Variants in RP1 observed in about 807,000 individuals in gnomAD.
RP1 encodes RP1 axonemal microtubule associated.
Under a neutral mutation model 14.8 loss-of-function variants are expected in RP1, and 16 were observed. That is an observed-to-expected ratio of 1.08 (90% CI 0.73 to 1.65). The LOEUF (loss-of-function observed/expected upper bound fraction) is 1.65. Ranked by LOEUF, RP1 falls within the 40% of genes most tolerant of loss-of-function variation. The probability of loss-of-function intolerance (pLI) is 0.00; values close to 1 mark genes in which losing one functional copy is unlikely to be tolerated. For missense variants in RP1, 2,631 were observed against 2,535.0 expected (o/e 1.04, Z -0.81); for synonymous variants, 876 against 883.6 (o/e 0.99, Z 0.15).
chr8:54,847,081 C>G (rs190390315), intron 25 of RP1, among the ~76,000 whole-genome samples: 2 of 152,144 alleles, frequency 1.3e-5, no homozygotes, highest in Non-Finnish European at 2.9e-5. Flanking sequence ...AAGATCCAAC[C>G]CTCAGCATCT....
chr8:54,748,229 G>A (rs1376778511), intron 19 of RP1, among the ~76,000 whole-genome samples: 4 of 152,110 alleles, frequency 2.6e-5, no homozygotes, highest in African/African-American at 9.7e-5. Flanking sequence ...TTCATTTCCA[G>A]TTACTTCTTC....
At chr8:54,754,324 G>A (rs1388636184) in intron 19 of RP1, among the ~76,000 whole-genome samples, 1 of 142,232 alleles carries the variant, frequency 7.0e-6, no homozygotes, top group East Asian at 2.1e-4. Flanking sequence ...ATCTCCTTTC[G>A]AGTTCTCTTA....
chr8:54,644,931 T>C (rs1186781558), intron 3 of RP1, among the ~76,000 whole-genome samples: 1 of 152,166 alleles, frequency 6.6e-6, no homozygotes, highest in African/African-American at 2.4e-5. Flanking sequence ...TCTGCCTCCA[T>C]CTTCACATGA....
intron 12 of RP1, among the ~76,000 whole-genome samples, chr8:54,695,992 T>C (rs1459757875): frequency 6.6e-6 from 1 of 152,178 alleles, no homozygotes; most frequent in Non-Finnish European, 1.5e-5. Flanking sequence ...CTTTCATTTT[T>C]AGAAATATGA....
At chr8:54,667,725 G>A (rs191976855) in intron 7 of RP1, among the ~76,000 whole-genome samples, 5 of 152,062 alleles carry the variant, frequency 3.3e-5, no homozygotes, top group Non-Finnish European at 7.4e-5. Context: ...TATTTGGTAC[G>A]TCCATGGAAG....
intron 26 of RP1, among the ~76,000 whole-genome samples, chr8:54,853,876 A>G (rs974886998): frequency 6.7e-6 from 1 of 150,020 alleles, no homozygotes; most frequent in Admixed American, 6.7e-5. Context: ...GAAAAGAAAA[A>G]GAAAGAAAAA....
At chr8:54,564,584 A>G (rs573745112) in intron 1 of RP1, among the ~76,000 whole-genome samples, 106 of 152,342 alleles carry the variant, frequency 7.0e-4, no homozygotes, top group African/African-American at 2.3e-3. Context: ...GGCTCATAGA[A>G]GCGGTGGACT....
At chr8:54,670,137 A>T (rs1273248223) in intron 7 of RP1, among the ~76,000 whole-genome samples, 2 of 152,114 alleles carry the variant, frequency 1.3e-5, no homozygotes, top group East Asian at 3.8e-4. Context: ...TTGTTCCACC[A>T]TGATTGGAAA....
chr8:54,786,682 G>A (rs1308557504), intron 24 of RP1, among the ~76,000 whole-genome samples: 1 of 151,806 alleles, frequency 6.6e-6, no homozygotes, highest in African/African-American at 2.4e-5. Context: ...TATTGCTTTT[G>A]TGGAGCACTG....
intron 17 of RP1, among the ~76,000 whole-genome samples, chr8:54,726,882 G>T (rs987955177): frequency 6.6e-6 from 1 of 151,666 alleles, no homozygotes; most frequent in African/African-American, 2.4e-5. Context: ...AAGTGCTCTC[G>T]GTCCCAGAGG....
intron 12 of RP1, among the ~76,000 whole-genome samples, chr8:54,692,319 T>C (rs1807734886): frequency 6.9e-6 from 1 of 144,376 alleles, no homozygotes; most frequent in Non-Finnish European, 1.5e-5. Flanking sequence ...TATAGTCCTT[T>C]GGGTATATAC....
intron 1 of RP1, among the ~76,000 whole-genome samples, chr8:54,571,608 A>C (rs1405226850): frequency 2.0e-5 from 3 of 152,196 alleles, no homozygotes; most frequent in African/African-American, 7.2e-5. Flanking sequence ...CAGATGTGGC[A>C]ACAGGATTAG....
chr8:54,781,371 T>C (rs1023488798), intron 23 of RP1, among the ~76,000 whole-genome samples: 1 of 152,180 alleles, frequency 6.6e-6, no homozygotes, highest in Non-Finnish European at 1.5e-5. Context: ...TTTTTTGATA[T>C]GAGTCCTTGG....
intron 24 of RP1, among the ~76,000 whole-genome samples, chr8:54,797,873 C>CT (rs71254593): frequency 0.011 from 1,264 of 112,208 alleles, 41 homozygotes; most frequent in African/African-American, 0.037. Context: ...GTTTCCCAAC[C>CT]TTTTTTTTTT....
At chr8:54,611,052 A>G (rs566872300) in intron 1 of RP1, among the ~76,000 whole-genome samples, 2 of 152,298 alleles carry the variant, frequency 1.3e-5, no homozygotes, top group African/African-American at 2.4e-5. Flanking sequence ...CACTTTGAAT[A>G]TATCATACTG....
chr8:54,604,207 T>G (rs576101987), intron 1 of RP1, among the ~76,000 whole-genome samples: 2 of 152,204 alleles, frequency 1.3e-5, no homozygotes, highest in African/African-American at 2.4e-5. Flanking sequence ...TTTGAGATAA[T>G]TCCCATCAAT....
chr8:54,702,798 T>G (rs372467310), intron 14 of RP1, among the ~76,000 whole-genome samples: 2 of 152,224 alleles, frequency 1.3e-5, no homozygotes, highest in South Asian at 4.1e-4. Flanking sequence ...ATCAACTGAG[T>G]TTATTTAATA....
intron 24 of RP1, among the ~76,000 whole-genome samples, chr8:54,813,797 T>C (rs962453877): frequency 1.3e-5 from 2 of 152,228 alleles, no homozygotes; most frequent in African/African-American, 4.8e-5. Flanking sequence ...AAATTATGTT[T>C]GCTGTTTCTA....
intron 5 of RP1, among the ~76,000 whole-genome samples, chr8:54,655,075 A>C (rs1806728400): frequency 6.6e-6 from 1 of 152,246 alleles, no homozygotes. Flanking sequence ...TTTATTTCTA[A>C]AAATATTTTA....
Sources: gnomAD v4.1 joint callset for allele counts (sites outside exome capture counted in the v4.1 genomes callset) on GRCh38, gnomAD v4.1.1 for gene constraint, MANE v1.5 for transcripts, NCBI Gene and HGNC (gene_info 2026-07-23, HGNC 2026-07-21) for gene names.